The following KCNJ16 variants were observed in gnomAD, a reference collection of about 807,000 sequenced individuals.
KCNJ16 encodes inward rectifier potassium channel 16.
A neutral mutation model predicts 18.5 loss-of-function variants in KCNJ16; 15 were observed. The observed-to-expected ratio is 0.81, with a 90% confidence interval of 0.54 to 1.25. The LOEUF is 1.25. Among genes scored for constraint, KCNJ16 ranks in the 50% most tolerant of loss-of-function variants. The pLI, the probability that KCNJ16 is intolerant of heterozygous loss-of-function variation, is 0.00. For missense variants in KCNJ16, 523 were observed against 525.7 expected (o/e 0.99, Z 0.05); for synonymous variants, 174 against 186.5 (o/e 0.93, Z 0.55).
intron 2 of KCNJ16, among the ~76,000 whole-genome samples, chr17:70,126,712 A>G (rs572379861): frequency 3.0e-4 from 45 of 152,334 alleles, no homozygotes; most frequent in African/African-American, 1.1e-3. Context: ...AGATTGGTGC[A>G]AAATCATTGT....
intron 2 of KCNJ16, among the ~76,000 whole-genome samples, chr17:70,103,309 TATATATATATATACA>T (rs1567789410): frequency 5.5e-4 from 10 of 18,108 alleles, no homozygotes; most frequent in South Asian, 4.2e-3. Context: ...TATATATATA[TATATATATATATACA>T]CACACATATA....
At chr17:70,087,185 G>C (rs184884040) in intron 1 of KCNJ16, among the ~76,000 whole-genome samples, 4 of 151,804 alleles carry the variant, frequency 2.6e-5, no homozygotes, top group African/African-American at 9.7e-5. Flanking sequence ...TGGGATTATA[G>C]ACATTATCTT....
chr17:70,077,720 C>T, intron 1 of KCNJ16, among the ~76,000 whole-genome samples: 1 of 151,202 alleles, frequency 6.6e-6, no homozygotes, highest in East Asian at 1.9e-4. Context: ...TTAGTGAGTC[C>T]ATCCATCAGC....
Position 70,133,036 on chromosome 17 carries a change from A to T in KCNJ16, c.949A>T (p.Lys317Ter). The T allele has an allele frequency of 6.2e-7, 1 of 1,614,138 alleles. No individual in the cohort carries two copies. The highest frequency in any genetic ancestry group is 8.5e-7 in the Non-Finnish European group (1 of 1,180,006). Residue 317 changes from lysine to a stop codon, truncating the protein, a stop_gained, in exon 4 of 4, where the codon AAG becomes TAG. Transcript: ENST00000392671. LOFTEE classifies it low-confidence loss of function (END_TRUNC). ...GHRFNDVLEV[K>*]RKYYKVNCLQ... ...TAGGTTTAATGATGTCTTGGAAGTT[A>T]AGAGGAAGTATTACAAAGTGAACTG...
intron 2 of KCNJ16, among the ~76,000 whole-genome samples, chr17:70,103,296 G>GTGTGTGTGTGTATATATATA (rs1408960241): frequency 1.4e-5 from 1 of 72,050 alleles, no homozygotes; most frequent in African/African-American, 4.4e-5. Flanking sequence ...ATGTGTGTGT[G>GTGTGTGTGTGTATATATATA]TATATATATA....
chr17:70,077,653 C>T (rs76759822), intron 1 of KCNJ16, among the ~76,000 whole-genome samples: 1 of 146,354 alleles, frequency 6.8e-6, no homozygotes, highest in Admixed American at 7.0e-5. Flanking sequence ...TCTCCAAATG[C>T]CTCTTTCCTG....
intron 2 of KCNJ16, among the ~76,000 whole-genome samples, chr17:70,111,779 G>A (rs1038528736): frequency 6.6e-5 from 10 of 152,066 alleles, no homozygotes; most frequent in African/African-American, 2.2e-4. Flanking sequence ...TTTTATAAGG[G>A]GAAACCCCTT....
At chr17:70,105,641 A>G (rs1321907441) in intron 2 of KCNJ16, among the ~76,000 whole-genome samples, 2 of 152,222 alleles carry the variant, frequency 1.3e-5, no homozygotes, top group Non-Finnish European at 2.9e-5. Context: ...GGTAACTTCA[A>G]TAAATAATAA....
At chr17:70,117,201 G>T (rs1174919353) in intron 2 of KCNJ16, among the ~76,000 whole-genome samples, 1 of 152,112 alleles carries the variant, frequency 6.6e-6, no homozygotes. Flanking sequence ...TAACACAGGA[G>T]CAGAAAACCA....
At chr17:70,102,215 CTTTTTTTTTTTT>C (rs10600577) in intron 2 of KCNJ16, 5 of 48,150 alleles carry the variant, frequency 1.0e-4, no homozygotes, top group Admixed American at 7.9e-4. Flanking sequence ...ACCAAAAGTA[CTTTTTTTTTTTT>C]TTTTTTTTTT....
intron 2 of KCNJ16, among the ~76,000 whole-genome samples, chr17:70,126,831 T>C (rs561682106): frequency 7.9e-5 from 12 of 152,318 alleles, no homozygotes; most frequent in East Asian, 3.9e-4. Context: ...TCCAGAACCA[T>C]GGAGAAACGT....
chr17:70,077,988 T>C lies in KCNJ16; in HGVS notation c.-300+2598T>C, dbSNP rs2071389594. ...TCTGCAGACTGGGAGGAGAACTATT[T>C]TTATCATCATGCTTTAGGGCCTATG... On this transcript the variant is annotated intron_variant, in intron 1 of 3. Transcript: ENST00000392671. Among the ~76,000 whole-genome samples, 3 of 152,226 alleles carry C rather than the reference T, an allele frequency of 2.0e-5. No individual in the cohort carries two copies. The South Asian group carries it at 6.2e-4, about 31-fold the overall frequency.
intron 2 of KCNJ16, among the ~76,000 whole-genome samples, chr17:70,118,419 A>C (rs1002741841): frequency 1.3e-5 from 2 of 152,156 alleles, no homozygotes; most frequent in African/African-American, 2.4e-5. Context: ...TTAAAAAAAG[A>C]AAAATAAATA....
chr17:70,114,886 T>C (rs1233576487), intron 2 of KCNJ16, among the ~76,000 whole-genome samples: 4 of 152,184 alleles, frequency 2.6e-5, no homozygotes, highest in African/African-American at 9.6e-5. Flanking sequence ...GCTAAGACTG[T>C]AGTCATAGCT....
At chr17:70,119,801 C>A (rs1414457257) in intron 2 of KCNJ16, among the ~76,000 whole-genome samples, 1 of 152,180 alleles carries the variant, frequency 6.6e-6, no homozygotes, top group Non-Finnish European at 1.5e-5. Context: ...CCTTTGAGGC[C>A]TTTTCCCATT....
At chr17:70,124,728 A>G (rs985303779) in intron 2 of KCNJ16, among the ~76,000 whole-genome samples, 7 of 152,242 alleles carry the variant, frequency 4.6e-5, no homozygotes, top group African/African-American at 1.7e-4. Context: ...ATGTACACAC[A>G]ATTTAAGACA....
intron 1 of KCNJ16, among the ~76,000 whole-genome samples, chr17:70,090,434 G>GTACTTTTCTT (rs2143690409): frequency 6.6e-6 from 1 of 152,248 alleles, no homozygotes; most frequent in Admixed American, 6.5e-5. Flanking sequence ...ATTTTCCCAG[G>GTACTTTTCTT]TACTTTTCTT....
chr17:70,111,405 A>C (rs1050054936), intron 2 of KCNJ16, among the ~76,000 whole-genome samples: 9 of 152,136 alleles, frequency 5.9e-5, no homozygotes, highest in African/African-American at 2.2e-4. Context: ...GGGAGCACAC[A>C]GAAAAACCTT....
At chr17:70,124,424 T>A (rs985719995) in intron 2 of KCNJ16, among the ~76,000 whole-genome samples, 43 of 151,630 alleles carry the variant, frequency 2.8e-4, no homozygotes, top group East Asian at 9.6e-4. Context: ...ACTCATTTTT[T>A]AAAAAAAAAC....
Sources: gnomAD v4.1 joint callset for allele counts (sites outside exome capture counted in the v4.1 genomes callset) on GRCh38, gnomAD v4.1.1 for gene constraint, MANE v1.5 for transcripts, NCBI Gene and HGNC (gene_info 2026-07-23, HGNC 2026-07-21) for gene names.